The following RALGPS2 variants were observed in gnomAD, a reference collection of about 807,000 sequenced individuals.
The protein encoded by RALGPS2 is ras-specific guanine nucleotide-releasing factor RalGPS2.
A neutral mutation model predicts 86.8 loss-of-function variants in RALGPS2; 43 were observed. That is an observed-to-expected ratio of 0.50 (90% CI 0.39 to 0.64). The LOEUF (loss-of-function observed/expected upper bound fraction) is 0.64, where lower values mean the gene tolerates loss of function less well. RALGPS2 is among the 30% of genes least tolerant of loss of function. The pLI, the probability that RALGPS2 is intolerant of heterozygous loss-of-function variation, is 0.00. For missense variants in RALGPS2, 536 were observed against 694.6 expected (o/e 0.77, Z 2.57); for synonymous variants, 243 against 231.3 (o/e 1.05, Z -0.46).
intron 8 of RALGPS2, among the ~76,000 whole-genome samples, chr1:178,842,994 C>T (rs1656668393): frequency 6.7e-6 from 1 of 149,950 alleles, no homozygotes; most frequent in South Asian, 2.1e-4. Context: ...ATTAAAAAGT[C>T]AGGAAACGAC....
chr1:178,897,773 T>C lies in RALGPS2; in HGVS notation c.1524+17T>C. The C allele has an allele frequency of 6.3e-7, 1 of 1,594,936 alleles. No individual in the cohort carries two copies. The highest frequency in any genetic ancestry group is 8.6e-7 in the Non-Finnish European group (1 of 1,163,382). Reference sequence around the variant, plus strand: ...AGAAAACATGTAAGTATTTGTTCTCTACATTTTTAGCGTGGTTTCCCAGAC... The same window carrying C: ...AGAAAACATGTAAGTATTTGTTCTCCACATTTTTAGCGTGGTTTCCCAGAC... On this transcript the variant is annotated intron_variant, in intron 17 of 19. Coordinates refer to ENST00000367635, the MANE Select transcript of RALGPS2 (RefSeq NM_152663.5).
In RALGPS2 at chr1:178,825,832, C is replaced by T. The variant is rs1238331171; in HGVS notation, c.480+4128C>T. Among the ~76,000 whole-genome samples, 4 of 152,154 alleles carry T rather than the reference C, an allele frequency of 2.6e-5. No homozygotes were observed. The East Asian group carries it at 7.7e-4, about 29-fold the overall frequency. On this transcript the variant is annotated intron_variant, in intron 7 of 19. Coordinates refer to ENST00000367635, the MANE Select transcript of RALGPS2 (RefSeq NM_152663.5). ...ATTGGACAGCACAGGCATAGATTTT[C>T]ACCATCACATAAAATTCTGTTGGAC...
intron 1 of RALGPS2, among the ~76,000 whole-genome samples, chr1:178,764,799 C>T (rs1490694190): frequency 1.3e-5 from 2 of 152,178 alleles, no homozygotes; most frequent in African/African-American, 4.8e-5. Context: ...TATGGTTTGG[C>T]TCTGTGTCCC....
At chr1:178,735,984 A>C (rs1215667884) in intron 1 of RALGPS2, among the ~76,000 whole-genome samples, 1 of 152,110 alleles carries the variant, frequency 6.6e-6, no homozygotes, top group Non-Finnish European at 1.5e-5. Context: ...CTGTACTTAC[A>C]TAATTTCCTT....
At chr1:178,741,261 T>A (rs146427082) in intron 1 of RALGPS2, among the ~76,000 whole-genome samples, 1 of 152,350 alleles carries the variant, frequency 6.6e-6, no homozygotes, top group Non-Finnish European at 1.5e-5. Flanking sequence ...CATTGGATGT[T>A]TCTGTTACTT....
At chr1:178,856,717 A>G (rs565730243) in intron 8 of RALGPS2, among the ~76,000 whole-genome samples, 13 of 152,124 alleles carry the variant, frequency 8.5e-5, no homozygotes, top group South Asian at 2.1e-4. Context: ...ATCTTAACAC[A>G]TAATTGTAGC....
chr1:178,913,285 AAAAAAAAAAAG>A (rs1293223360), intron 19 of RALGPS2, among the ~76,000 whole-genome samples: 2 of 151,276 alleles, frequency 1.3e-5, no homozygotes, highest in Admixed American at 1.3e-4. Context: ...CCCATCTCAA[AAAAAAAAAAAG>A]AAAAGAAAAA....
At position 178,877,143 on chromosome 1, in the gene RALGPS2, T is replaced by C. The variant is rs551996682; in HGVS notation, c.608-355T>C. 3.9e-5 allele frequency among the ~76,000 whole-genome samples: 6 copies of C among 152,268 alleles called. No individual in the cohort carries two copies. In the South Asian group the frequency reaches 1.2e-3, roughly 32 times the overall value. ...TTCTCAGTTTAAAATAACTCTCCAT[T>C]ATGAAACTAGTCAGAGGCAGAGCCA... is the stretch of plus-strand genomic sequence containing the variant. On this transcript the variant is annotated intron_variant, in intron 8 of 19. Coordinates refer to ENST00000367635, the MANE Select transcript of RALGPS2 (RefSeq NM_152663.5).
chr1:178,849,681 G>A (rs1361632524), intron 8 of RALGPS2: 1 of 152,140 alleles, frequency 6.6e-6, no homozygotes, highest in Non-Finnish European at 1.5e-5. Flanking sequence ...ATGACCACAG[G>A]TAAAACAAAG....
chr1:178,840,001 C>G (rs997159537), intron 8 of RALGPS2, among the ~76,000 whole-genome samples: 24 of 152,136 alleles, frequency 1.6e-4, no homozygotes, highest in Non-Finnish European at 2.8e-4. Context: ...ATTCATAAAG[C>G]AAGTCCTTAG....
intron 8 of RALGPS2, among the ~76,000 whole-genome samples, chr1:178,858,870 G>T (rs1473432491): frequency 6.6e-6 from 1 of 152,176 alleles, no homozygotes; most frequent in Non-Finnish European, 1.5e-5. Context: ...TTTACAAAGA[G>T]AATTACAGAT....
intron 4 of RALGPS2, among the ~76,000 whole-genome samples, chr1:178,787,940 G>A (rs1031512800): frequency 6.6e-6 from 1 of 152,146 alleles, no homozygotes; most frequent in Non-Finnish European, 1.5e-5. Context: ...TGATCGCTCT[G>A]CTTAAAACAC....
intron 1 of RALGPS2, among the ~76,000 whole-genome samples, chr1:178,744,767 G>A (rs1027106230): frequency 1.1e-4 from 16 of 144,760 alleles, no homozygotes; most frequent in East Asian, 1.0e-3. Context: ...GCAGTGAGCC[G>A]AGATCGCACC....
chr1:178,774,283 AAT>A (rs201244450), intron 1 of RALGPS2, among the ~76,000 whole-genome samples: 5 of 151,992 alleles, frequency 3.3e-5, no homozygotes, highest in Non-Finnish European at 4.4e-5. Flanking sequence ...CAAAAAAAAA[AAT>A]AAAAGGAGAG....
intron 1 of RALGPS2, among the ~76,000 whole-genome samples, chr1:178,743,140 A>T (rs1381055427): frequency 6.6e-6 from 1 of 152,202 alleles, no homozygotes; most frequent in Non-Finnish European, 1.5e-5. Flanking sequence ...TGAGCCCAGA[A>T]ATTTGAGGCC....
chr1:178,731,271 G>GTTTTTTTTTTTTTTTTT (rs1491268143), intron 1 of RALGPS2, among the ~76,000 whole-genome samples: 4 of 69,380 alleles, frequency 5.8e-5, no homozygotes, highest in African/African-American at 2.1e-4. Context: ...TAGTTGTTTT[G>GTTTTTTTTTTTTTTTTT]GTTTTTTTTT....
At chr1:178,829,734 T>C (rs933406209) in intron 7 of RALGPS2, among the ~76,000 whole-genome samples, 3 of 151,948 alleles carry the variant, frequency 2.0e-5, no homozygotes, top group African/African-American at 7.2e-5. Context: ...TTAAATTTTA[T>C]TTATTATTTA....
intron 1 of RALGPS2, among the ~76,000 whole-genome samples, chr1:178,730,178 TC>T (rs1476522151): frequency 6.6e-6 from 1 of 152,138 alleles, no homozygotes; most frequent in Non-Finnish European, 1.5e-5. Flanking sequence ...CCTCAAGTGA[TC>T]CACCCGTTCT....
intron 17 of RALGPS2, among the ~76,000 whole-genome samples, chr1:178,898,865 C>T (rs1328726456): frequency 6.6e-6 from 1 of 151,852 alleles, no homozygotes; most frequent in Non-Finnish European, 1.5e-5. Context: ...ACAATAATGC[C>T]TATATACCCT....
Sources: gnomAD v4.1 joint callset for allele counts (sites outside exome capture counted in the v4.1 genomes callset) on GRCh38, gnomAD v4.1.1 for gene constraint, MANE v1.5 for transcripts, NCBI Gene and HGNC (gene_info 2026-07-23, HGNC 2026-07-21) for gene names.